The following QTMAN variants were observed in gnomAD, a reference collection of about 807,000 sequenced individuals.
QTMAN encodes the protein tRNA-queuosine alpha-mannosyltransferase.
At chr2:144,059,220 T>C in the QTMAN span, among the ~76,000 whole-genome samples, 1 of 152,192 alleles carries the variant, frequency 6.6e-6, no homozygotes, top group African/African-American at 2.4e-5. Context: ...TAGTTTTTTA[T>C]ATTTTCTCTT....
chr2:144,220,960 C>A, the QTMAN span, among the ~76,000 whole-genome samples: 1 of 152,142 alleles, frequency 6.6e-6, no homozygotes, highest in South Asian at 2.1e-4. Flanking sequence ...ATCAGATAAA[C>A]CACATCATAT....
chr2:144,088,503 A>C, the QTMAN span, among the ~76,000 whole-genome samples: 6 of 152,042 alleles, frequency 3.9e-5, no homozygotes, highest in Non-Finnish European at 8.8e-5. Flanking sequence ...AAAAGAGCCT[A>C]AATAGCCAAA....
At chr2:144,033,069 G>A in the QTMAN span, among the ~76,000 whole-genome samples, 2 of 152,218 alleles carry the variant, frequency 1.3e-5, no homozygotes, top group Non-Finnish European at 2.9e-5. Flanking sequence ...GCTACTTCCA[G>A]AGAAATACTA....
the QTMAN span, chr2:143,957,275 G>C: frequency 6.2e-7 from 1 of 1,612,326 alleles, no homozygotes; most frequent in South Asian, 1.1e-5. Context: ...AGTCATCTTT[G>C]CTGGGTAAGT....
chr2:144,085,081 G>A, the QTMAN span, among the ~76,000 whole-genome samples: 3 of 152,112 alleles, frequency 2.0e-5, no homozygotes, highest in African/African-American at 7.2e-5. Flanking sequence ...TGAGAACAGG[G>A]GTCAGCAAAC....
the QTMAN span, among the ~76,000 whole-genome samples, chr2:144,040,225 G>T: frequency 6.6e-6 from 1 of 152,102 alleles, no homozygotes. Flanking sequence ...AAGCATACAT[G>T]AATATGAGCG....
chr2:144,316,158 T>C, the QTMAN span, among the ~76,000 whole-genome samples: 1 of 152,046 alleles, frequency 6.6e-6, no homozygotes, highest in Non-Finnish European at 1.5e-5. Flanking sequence ...AGAGGACTGC[T>C]TGAGCTCAGA....
chr2:144,149,754 G>T, the QTMAN span, among the ~76,000 whole-genome samples: 1 of 152,086 alleles, frequency 6.6e-6, no homozygotes, highest in Non-Finnish European at 1.5e-5. Flanking sequence ...AGTCATATAT[G>T]TTTAAAGAAT....
chr2:144,146,919 C>A, the QTMAN span, among the ~76,000 whole-genome samples: 1 of 151,876 alleles, frequency 6.6e-6, no homozygotes, highest in Admixed American at 6.6e-5. Context: ...AGGGCTCAAA[C>A]TGCTTTTCAT....
At chr2:144,224,759 G>T in the QTMAN span, among the ~76,000 whole-genome samples, 3 of 152,120 alleles carry the variant, frequency 2.0e-5, no homozygotes, top group Admixed American at 2.0e-4. Flanking sequence ...AGCTCTGTGC[G>T]ACCACAAAAC....
the QTMAN span, among the ~76,000 whole-genome samples, chr2:144,244,281 T>C: frequency 6.6e-6 from 1 of 152,134 alleles, no homozygotes; most frequent in African/African-American, 2.4e-5. Flanking sequence ...TTGGGGAAGT[T>C]TGCAAGGGAA....
At chr2:144,156,646 A>G in the QTMAN span, among the ~76,000 whole-genome samples, 1 of 152,134 alleles carries the variant, frequency 6.6e-6, no homozygotes, top group Non-Finnish European at 1.5e-5. Flanking sequence ...CAAAAATTAA[A>G]AATTCTGTAC....
the QTMAN span, among the ~76,000 whole-genome samples, chr2:144,159,464 C>T: frequency 7.9e-5 from 12 of 151,984 alleles, no homozygotes; most frequent in African/African-American, 2.9e-4. Flanking sequence ...GGGGCCGAGG[C>T]TGATTCAAAT....
the QTMAN span, among the ~76,000 whole-genome samples, chr2:144,139,650 C>A: frequency 2.0e-5 from 3 of 151,974 alleles, no homozygotes; most frequent in Admixed American, 1.3e-4. Flanking sequence ...TACTATTTAT[C>A]TGGTCATTGC....
At chr2:143,993,676 C>T in the QTMAN span, among the ~76,000 whole-genome samples, 1 of 152,244 alleles carries the variant, frequency 6.6e-6, no homozygotes, top group Admixed American at 6.5e-5. Flanking sequence ...ACCTTGATTT[C>T]AGCCTGGGGA....
the QTMAN span, among the ~76,000 whole-genome samples, chr2:144,103,064 T>G: frequency 6.6e-6 from 1 of 152,226 alleles, no homozygotes; most frequent in Non-Finnish European, 1.5e-5. Context: ...CCAGTCGTTA[T>G]AGGGGAATAT....
chr2:144,057,853 C>T, the QTMAN span, among the ~76,000 whole-genome samples: 1 of 152,018 alleles, frequency 6.6e-6, no homozygotes, highest in Non-Finnish European at 1.5e-5. Context: ...TTTTCTTTTT[C>T]ACTTTTCAGA....
chr2:143,995,918 C>A, the QTMAN span, among the ~76,000 whole-genome samples: 2 of 152,036 alleles, frequency 1.3e-5, no homozygotes, highest in Non-Finnish European at 2.9e-5. Flanking sequence ...TCGAACTCCC[C>A]AAGTGTTCTC....
chr2:144,054,126 G>C, the QTMAN span, among the ~76,000 whole-genome samples: 1 of 151,990 alleles, frequency 6.6e-6, no homozygotes, highest in East Asian at 1.9e-4. Context: ...AGGCGGAGCT[G>C]GCAGTGAGCA....
Sources: gnomAD v4.1 joint callset for allele counts (sites outside exome capture counted in the v4.1 genomes callset) on GRCh38, gnomAD v4.1.1 for gene constraint, MANE v1.5 for transcripts, NCBI Gene and HGNC (gene_info 2026-07-23, HGNC 2026-07-21) for gene names.